BLVRA: variants seen among roughly 807,000 people sequenced by gnomAD.
BLVRA encodes BVR A.
A neutral mutation model predicts 32.8 loss-of-function variants in BLVRA; 22 were observed. The observed-to-expected ratio is 0.67, with a 90% CI of 0.48 to 0.96. The LOEUF (loss-of-function observed/expected upper bound fraction) is 0.96, where lower values mean the gene tolerates loss of function less well. Among genes scored for constraint, BLVRA ranks in the 40% least tolerant of loss-of-function variants. The pLI is 0.00. For missense variants in BLVRA, 323 were observed against 358.1 expected (o/e 0.90, Z 0.79); for synonymous variants, 119 against 141.3 (o/e 0.84, Z 1.12).
At chr7:43,778,345 T>C (rs1359816171) in intron 2 of BLVRA, among the ~76,000 whole-genome samples, 2 of 152,242 alleles carry the variant, frequency 1.3e-5, no homozygotes, top group African/African-American at 4.8e-5. Context: ...TTCTGTTTGT[T>C]AGTTTTCCTT....
intron 1 of BLVRA, among the ~76,000 whole-genome samples, chr7:43,764,883 T>G (rs2095746100): frequency 6.6e-6 from 1 of 151,854 alleles, no homozygotes; most frequent in South Asian, 2.1e-4. Flanking sequence ...GTGCAGAAAC[T>G]AAGGCACAAG....
intron 2 of BLVRA, among the ~76,000 whole-genome samples, chr7:43,779,219 C>T (rs904676014): frequency 1.3e-5 from 2 of 152,258 alleles, no homozygotes; most frequent in Admixed American, 6.5e-5. Context: ...GCAGAAATCA[C>T]CCGTCTTCTG....
At chr7:43,760,327 T>G (rs1023492108) in intron 1 of BLVRA, among the ~76,000 whole-genome samples, 1 of 152,218 alleles carries the variant, frequency 6.6e-6, no homozygotes, top group Non-Finnish European at 1.5e-5. Flanking sequence ...TGCTTATTAC[T>G]CCCAGTCATT....
At chr7:43,785,025 A>C (rs1451391689) in intron 2 of BLVRA, among the ~76,000 whole-genome samples, 2 of 152,114 alleles carry the variant, frequency 1.3e-5, no homozygotes, top group African/African-American at 2.4e-5. Context: ...TTTGTATGCA[A>C]GTTTGTGTGT....
intron 1 of BLVRA, among the ~76,000 whole-genome samples, chr7:43,766,843 G>C (rs2095748550): frequency 6.6e-6 from 1 of 152,174 alleles, no homozygotes; most frequent in South Asian, 2.1e-4. Context: ...TTTAAAAACA[G>C]CAATGTGGCC....
At chr7:43,790,039 C>G (rs1359500879) in intron 3 of BLVRA, among the ~76,000 whole-genome samples, 1 of 152,150 alleles carries the variant, frequency 6.6e-6, no homozygotes, top group Non-Finnish European at 1.5e-5. Context: ...TGGGTGGCCC[C>G]ATTAAAGAAA....
At chr7:43,782,985 A>AGGGCAG (rs1323262669) in intron 2 of BLVRA, among the ~76,000 whole-genome samples, 116 of 151,966 alleles carry the variant, frequency 7.6e-4, no homozygotes, top group African/African-American at 2.7e-3. Flanking sequence ...GTCATTGGAC[A>AGGGCAG]GGGCAGGGGC....
chr7:43,781,860 G>C (rs2095770065), intron 2 of BLVRA, among the ~76,000 whole-genome samples: 1 of 152,166 alleles, frequency 6.6e-6, no homozygotes, highest in Non-Finnish European at 1.5e-5. Context: ...AGGGGGTTAA[G>C]GAGCATCACA....
At chr7:43,805,928 A>G (rs1378022598) in intron 7 of BLVRA, among the ~76,000 whole-genome samples, 1 of 152,188 alleles carries the variant, frequency 6.6e-6, no homozygotes, top group African/African-American at 2.4e-5. Context: ...ACTTATTACC[A>G]TTACTTATTT....
At chr7:43,764,578 G>C (rs1462959816) in intron 1 of BLVRA, among the ~76,000 whole-genome samples, 1 of 152,104 alleles carries the variant, frequency 6.6e-6, no homozygotes, top group African/African-American at 2.4e-5. Flanking sequence ...AAGTGGGGTG[G>C]GGAAGAGAGT....
chr7:43,767,875 A>G (rs987861723), intron 1 of BLVRA, among the ~76,000 whole-genome samples: 2 of 152,068 alleles, frequency 1.3e-5, no homozygotes, highest in Non-Finnish European at 2.9e-5. Flanking sequence ...AGCAAGTAGT[A>G]GTGAGATTTC....
intron 2 of BLVRA, among the ~76,000 whole-genome samples, chr7:43,786,568 A>T (rs2095777827): frequency 6.6e-6 from 1 of 152,270 alleles, no homozygotes; most frequent in South Asian, 2.1e-4. Flanking sequence ...ACCCAACAAT[A>T]GCAGAATACA....
At chr7:43,776,056 G>A (rs1166244060) in intron 2 of BLVRA, among the ~76,000 whole-genome samples, 14 of 150,628 alleles carry the variant, frequency 9.3e-5, no homozygotes, top group East Asian at 1.9e-4. Flanking sequence ...TCTTGCTAGC[G>A]GTCTATCAAT....
chr7:43,777,043 C>T (rs1375643860), intron 2 of BLVRA, among the ~76,000 whole-genome samples: 6 of 150,640 alleles, frequency 4.0e-5, no homozygotes, highest in African/African-American at 7.3e-5. Flanking sequence ...TGTCTCTGCA[C>T]GTGAGATGGG....
Position 43,762,420 on chromosome 7 carries a change from A to C in BLVRA, c.-22+3686A>C, listed in dbSNP as rs1198719622. Among the ~76,000 whole-genome samples the C allele has an allele frequency of 1.7e-4, 26 of 151,916 alleles. 1 individual carries two copies. The highest frequency in any genetic ancestry group is 4.4e-5 in the Non-Finnish European group (3 of 67,990). ...ACAAAGCTCTGGAGTTTCAGATTCCAATTTGCATGTGGGAAAGAGACTGAA... is the reference window on the plus strand; with the variant it reads ...ACAAAGCTCTGGAGTTTCAGATTCCCATTTGCATGTGGGAAAGAGACTGAA... On this transcript the variant is annotated intron_variant, in intron 1 of 7. Coordinates refer to ENST00000265523, the MANE Select transcript of BLVRA (RefSeq NM_000712.4).
At chr7:43,804,048 C>T (rs2095801609) in intron 7 of BLVRA, among the ~76,000 whole-genome samples, 1 of 152,232 alleles carries the variant, frequency 6.6e-6, no homozygotes, top group Admixed American at 6.5e-5. Flanking sequence ...GTAAAGAAGA[C>T]AAACATAATC....
intron 1 of BLVRA, among the ~76,000 whole-genome samples, chr7:43,762,606 CTTTTTT>C (rs1162480081): frequency 4.0e-5 from 4 of 100,870 alleles, no homozygotes; most frequent in Admixed American, 1.1e-4. Flanking sequence ...CCAGTAGTTC[CTTTTTT>C]TTTTTTTTTT....
rs1198523270 is a variant in BLVRA at position 43,788,013 on chromosome 7, G to C, written c.122G>C (p.Gly41Ala). 6.2e-7 allele frequency: 1 copy of C among 1,614,160 alleles called. No individual in the cohort carries two copies. The highest frequency in any genetic ancestry group is 8.5e-7 in the Non-Finnish European group (1 of 1,180,030). ...TCCTCAGCGTTCCTGAACCTGATTG[G>C]CTTCGTGTCGAGGTGGCTCACAATG... is the stretch of plus-strand genomic sequence containing the variant. ...HPSSAFLNLI[G>A]FVSRRELGSI... The change falls in exon 3 of 8, where the codon GGC becomes GCC. Residue 41 changes from glycine to alanine, a missense_variant. Coordinates refer to ENST00000265523, the MANE Select transcript of BLVRA (RefSeq NM_000712.4).
rs1027183415 is a variant in BLVRA at position 43,778,280 on chromosome 7, A to G, written c.12+7110A>G. ...TTTCCCCATCTTTGTGGTTTTATCT[A>G]CCTTTGGTCTTTGATGATGGTGATG... On this transcript the variant is annotated intron_variant, in intron 2 of 7. Coordinates refer to ENST00000265523, the MANE Select transcript of BLVRA (RefSeq NM_000712.4). 5.3e-5 allele frequency among the ~76,000 whole-genome samples: 8 copies of G among 151,832 alleles called. 1 individual carries two copies. Among genetic ancestry groups the G allele is most frequent in the Admixed American group, 3.9e-4 (6 of 15,244 alleles).
Sources: allele counts gnomAD v4.1 joint callset (sites outside exome capture counted in the v4.1 genomes callset), GRCh38; gene constraint gnomAD v4.1.1; transcripts MANE v1.5; gene names NCBI Gene and HGNC (gene_info 2026-07-23, HGNC 2026-07-21).